The following PXDNL variants were observed in gnomAD, a reference collection of about 807,000 sequenced individuals.
PXDNL encodes peroxidasin like, also known as probable oxidoreductase PXDNL.
PXDNL carries 145 observed loss-of-function variants against 150.8 expected under a neutral mutation model. The observed-to-expected ratio is 0.96, with a 90% CI of 0.84 to 1.10. PXDNL has a LOEUF of 1.10. PXDNL is among the 50% of genes least tolerant of loss of function. The pLI is 0.00. For synonymous variants in PXDNL, 757 were observed against 725.7 expected (o/e 1.04, Z -0.69); for missense variants, 2,087 against 1,873.9 (o/e 1.11, Z -2.10).
At chr8:51,700,824 A>G (rs1205228862) in intron 1 of PXDNL, among the ~76,000 whole-genome samples, 1 of 151,766 alleles carries the variant, frequency 6.6e-6, no homozygotes, top group African/African-American at 2.4e-5. Flanking sequence ...ACACATATGC[A>G]CACATACACA....
In PXDNL at chr8:51,320,041, A is replaced by T. The variant is rs779187903; in HGVS notation, c.4261-19T>A. On this transcript the variant is annotated intron_variant, in intron 22 of 22. Coordinates refer to ENST00000356297, the MANE Select transcript of PXDNL (RefSeq NM_144651.5). ...GGCCACTCTGAAAGGCAGCATGCAC[A>T]TATCACCTCCATGTTTCTTATAATC... 8.4e-6 allele frequency: 12 copies of T among 1,421,990 alleles called. No homozygotes were observed. Among genetic ancestry groups the T allele is most frequent in the Non-Finnish European group, 1.1e-5 (12 of 1,081,194 alleles). 88.1% of individuals were successfully genotyped at this position (1,421,990 alleles called of 1,614,324 possible).
chr8:51,658,426 G>A (rs1328600211), intron 1 of PXDNL, among the ~76,000 whole-genome samples: 2 of 149,778 alleles, frequency 1.3e-5, no homozygotes, highest in Non-Finnish European at 3.0e-5. Context: ...TCTCGAGATC[G>A]ACTTAAACTC....
At chr8:51,503,561 T>G (rs1811228887) in intron 4 of PXDNL, among the ~76,000 whole-genome samples, 1 of 152,218 alleles carries the variant, frequency 6.6e-6, no homozygotes, top group South Asian at 2.1e-4. Context: ...TATCCTCTCC[T>G]ACATCTTATT....
intron 13 of PXDNL, among the ~76,000 whole-genome samples, chr8:51,425,481 C>T (rs770050649): frequency 2.8e-4 from 43 of 152,202 alleles, no homozygotes; most frequent in Non-Finnish European, 4.6e-4. Context: ...TTCACACTTT[C>T]TATTTTTAGC....
In PXDNL at chr8:51,518,001, C is replaced by T. The variant is rs1811582521; in HGVS notation, c.381-18231G>A. ...TGGTGTAGTTAGTTCCTTAATTTAT[C>T]TTCATATAATAGCAAGGCTGTGTCT... On this transcript the variant is annotated intron_variant, in intron 4 of 22. Transcript: ENST00000356297. Among the ~76,000 whole-genome samples, 2 of 152,128 alleles carry T rather than the reference C, an allele frequency of 1.3e-5. 1 individual carries two copies. Among genetic ancestry groups the T allele is most frequent in the South Asian group, 4.1e-4 (2 of 4,822 alleles).
At chr8:51,340,130 T>A (rs1030484601) in intron 20 of PXDNL, 1 of 157,138 alleles carries the variant, frequency 6.4e-6, no homozygotes, top group African/African-American at 2.4e-5. Context: ...AAATTTAATA[T>A]AACATATTAT....
intron 4 of PXDNL, among the ~76,000 whole-genome samples, chr8:51,533,133 T>C (rs1259369666): frequency 6.6e-6 from 1 of 152,084 alleles, no homozygotes; most frequent in Non-Finnish European, 1.5e-5. Context: ...TCATATGCTG[T>C]TTATTTATTT....
chr8:51,793,442 A>T (rs1390641735), intron 1 of PXDNL, among the ~76,000 whole-genome samples: 1 of 152,232 alleles, frequency 6.6e-6, no homozygotes, highest in South Asian at 2.1e-4. Flanking sequence ...CCTCCAAATG[A>T]TCACAACACC....
chr8:51,596,565 C>A (rs1813567393), intron 2 of PXDNL, among the ~76,000 whole-genome samples: 1 of 152,062 alleles, frequency 6.6e-6, no homozygotes, highest in Admixed American at 6.6e-5. Context: ...ACAGCTGTTG[C>A]TGTTTTTTAC....
At chr8:51,717,298 T>C (rs1007633136) in intron 1 of PXDNL, among the ~76,000 whole-genome samples, 17 of 152,158 alleles carry the variant, frequency 1.1e-4, no homozygotes, top group African/African-American at 3.6e-4. Flanking sequence ...GGAGTTTACA[T>C]AGGAATGTGA....
At chr8:51,766,882 T>C (rs1405051650) in intron 1 of PXDNL, among the ~76,000 whole-genome samples, 2 of 152,164 alleles carry the variant, frequency 1.3e-5, no homozygotes, top group Non-Finnish European at 2.9e-5. Flanking sequence ...GCTGGAATTA[T>C]TTCTTTAAAT....
At chr8:51,578,465 T>C (rs963603356) in intron 3 of PXDNL, among the ~76,000 whole-genome samples, 14 of 152,072 alleles carry the variant, frequency 9.2e-5, no homozygotes, top group Middle Eastern at 3.4e-3. Context: ...ACACTGATTT[T>C]AAAAAATTAA....
chr8:51,452,417 AT>A (rs1381681603), intron 10 of PXDNL, among the ~76,000 whole-genome samples: 2 of 152,086 alleles, frequency 1.3e-5, no homozygotes, highest in Non-Finnish European at 2.9e-5. Flanking sequence ...GAAAAACACA[AT>A]TTTTTTTCCT....
At chr8:51,584,656 A>G (rs1813284784) in intron 3 of PXDNL, among the ~76,000 whole-genome samples, 1 of 152,154 alleles carries the variant, frequency 6.6e-6, no homozygotes, top group South Asian at 2.1e-4. Context: ...GAAGGTGGCA[A>G]TTCAGAAGGA....
intron 1 of PXDNL, among the ~76,000 whole-genome samples, chr8:51,772,638 G>C (rs1196049969): frequency 1.3e-5 from 2 of 152,172 alleles, no homozygotes; most frequent in African/African-American, 4.8e-5. Flanking sequence ...ATCTTATTTT[G>C]CCTTCAGGCT....
At chr8:51,682,650 A>C (rs1029011446) in intron 1 of PXDNL, among the ~76,000 whole-genome samples, 7 of 152,172 alleles carry the variant, frequency 4.6e-5, no homozygotes, top group Admixed American at 4.6e-4. Flanking sequence ...TAACCCAAAT[A>C]GTCTGTTTTC....
chr8:51,567,309 G>A (rs115321569), intron 3 of PXDNL, among the ~76,000 whole-genome samples: 1 of 151,708 alleles, frequency 6.6e-6, no homozygotes, highest in Non-Finnish European at 1.5e-5. Context: ...TGATGGTGCT[G>A]TTCAGTTCAA....
chr8:51,542,789 G>A (rs1274307206), intron 4 of PXDNL, among the ~76,000 whole-genome samples: 11 of 148,988 alleles, frequency 7.4e-5, no homozygotes, highest in Non-Finnish European at 1.6e-4. Flanking sequence ...CAGCCCAGGT[G>A]ACAAAGCGAG....
chr8:51,723,730 T>C (rs1191286545), intron 1 of PXDNL, among the ~76,000 whole-genome samples: 1 of 152,128 alleles, frequency 6.6e-6, no homozygotes, highest in African/African-American at 2.4e-5. Flanking sequence ...AAAGTTCCTC[T>C]GAGCGAGGTG....
Sources: gnomAD v4.1 joint callset for allele counts (sites outside exome capture counted in the v4.1 genomes callset) on GRCh38, gnomAD v4.1.1 for gene constraint, MANE v1.5 for transcripts, NCBI Gene and HGNC (gene_info 2026-07-23, HGNC 2026-07-21) for gene names.